Variants in ADAM2 observed in about 807,000 individuals in gnomAD.
ADAM2 encodes ADAM metallopeptidase domain 2.
A neutral mutation model predicts 99.3 loss-of-function variants in ADAM2; 101 were observed. The observed-to-expected ratio is 1.02, with a 90% confidence interval of 0.87 to 1.20. The LOEUF (loss-of-function observed/expected upper bound fraction) is 1.20. ADAM2 is among the 50% of genes most tolerant of loss of function. The pLI is 0.00. For synonymous variants in ADAM2, 323 were observed against 287.6 expected, an observed-to-expected ratio of 1.12 and a Z score of -1.25; for missense variants, 948 against 878.7, an observed-to-expected ratio of 1.08 and a Z score of -1.00.
intron 10 of ADAM2, among the ~76,000 whole-genome samples, chr8:39,785,803 A>T (rs1803442893): frequency 1.3e-5 from 2 of 151,994 alleles, no homozygotes; most frequent in Non-Finnish European, 2.9e-5. Context: ...AAATAAAAAA[A>T]AAAAAAAAAA....
At chr8:39,821,363 G>A (rs1024081053) in intron 5 of ADAM2, among the ~76,000 whole-genome samples, 193 bp from the exon 6 acceptor site, 6 of 152,098 alleles carry the variant, frequency 3.9e-5, no homozygotes, top group African/African-American at 1.4e-4. Flanking sequence ...GTTAGCATTT[G>A]CCTAGCTATT....
intron 7 of ADAM2, among the ~76,000 whole-genome samples, chr8:39,796,559 T>C (rs1563363867): frequency 6.6e-6 from 1 of 152,184 alleles, no homozygotes; most frequent in African/African-American, 2.4e-5. Flanking sequence ...ATATACCCAG[T>C]AATGGGATTG....
At chr8:39,789,473 A>G (rs1403614113) in intron 7 of ADAM2, among the ~76,000 whole-genome samples, 1 of 151,804 alleles carries the variant, frequency 6.6e-6, no homozygotes, top group Non-Finnish European at 1.5e-5. Context: ...AAAAATGAAA[A>G]TTATTCAGAA....
rs115528321 is a variant in ADAM2, at chr8:39,792,143, C to A, written c.571-3403G>T. Among the ~76,000 whole-genome samples the A allele has an allele frequency of 6.6e-3, 999 of 151,718 alleles. 7 individuals carry two copies. The highest frequency in any genetic ancestry group is 0.023 in the African/African-American group (944 of 41,386). ...GCACAATACAAGAATGGGATCTTTACATTCTAAAGTATCCAGTACTCTATC... is the reference window on the plus strand; with the variant it reads ...GCACAATACAAGAATGGGATCTTTAAATTCTAAAGTATCCAGTACTCTATC... On this transcript the variant is annotated intron_variant, in intron 7 of 20. Transcript: ENST00000265708.
Position 39,834,667 on chromosome 8 carries a change from G to A in ADAM2, c.133-668C>T, listed in dbSNP as rs533427762. The stretch of plus-strand genomic sequence containing the variant: ...GAGAATCACTTGAACCTTGGGAGGC[G>A]GAGGTTGCAGTGAGCCAAGATCACA... On this transcript the variant is annotated intron_variant, in intron 2 of 20. Coordinates refer to ENST00000265708, the MANE Select transcript of ADAM2 (RefSeq NM_001464.5). Among the ~76,000 whole-genome samples, 13 of 143,510 alleles carry A rather than the reference G, an allele frequency of 9.1e-5. No homozygotes were observed. The Admixed American group carries it at 9.3e-4, about 10-fold the overall frequency. The allele number at this position is 143,510 out of a possible 152,430, so 94.1% of individuals were successfully genotyped here.
chr8:39,833,835 C>A, intron 3 of ADAM2, 109 bp downstream of exon 3: 1 of 702,528 alleles, frequency 1.4e-6, no homozygotes, highest in Non-Finnish European at 2.5e-6. Context: ...GAATGAATGG[C>A]AAGAAGCTAG....
intron 7 of ADAM2, among the ~76,000 whole-genome samples, chr8:39,792,798 C>A (rs1455486914): frequency 6.6e-6 from 1 of 152,056 alleles, no homozygotes; most frequent in Non-Finnish European, 1.5e-5. Flanking sequence ...ATTAAAAGCA[C>A]TATTTTTAAA....
At chr8:39,814,866 GTGA>G in intron 6 of ADAM2, among the ~76,000 whole-genome samples, 1 of 150,824 alleles carries the variant, frequency 6.6e-6, no homozygotes, top group East Asian at 1.9e-4. Flanking sequence ...TATATTATAT[GTGA>G]TGATAACAAG....
At chr8:39,786,248 C>T (rs1388528828) in intron 10 of ADAM2, among the ~76,000 whole-genome samples, 2 of 152,202 alleles carry the variant, frequency 1.3e-5, no homozygotes, top group East Asian at 3.8e-4. Flanking sequence ...TAGCATCTCA[C>T]AATATACCCA....
chr8:39,778,532 A>G (rs1803090746), intron 10 of ADAM2, among the ~76,000 whole-genome samples: 1 of 152,096 alleles, frequency 6.6e-6, no homozygotes, highest in African/African-American at 2.4e-5. Flanking sequence ...GGTACCAATT[A>G]AAGTTCTTTA....
At chr8:39,766,419 T>C (rs1802568360) in intron 14 of ADAM2, among the ~76,000 whole-genome samples, 1 of 151,986 alleles carries the variant, frequency 6.6e-6, no homozygotes, top group African/African-American at 2.4e-5. Flanking sequence ...GCTACTGATA[T>C]TTTTTCTGAC....
chr8:39,806,532 T>A (rs1409481728), intron 7 of ADAM2, among the ~76,000 whole-genome samples: 2 of 148,328 alleles, frequency 1.3e-5, no homozygotes, highest in African/African-American at 4.9e-5. Flanking sequence ...ATATTATATA[T>A]AAATATATAT....
chr8:39,779,464 C>T (rs977065087), intron 10 of ADAM2, among the ~76,000 whole-genome samples: 1 of 151,900 alleles, frequency 6.6e-6, no homozygotes, highest in Non-Finnish European at 1.5e-5. Flanking sequence ...CATATGAATT[C>T]GGGGGGACAC....
intron 7 of ADAM2, among the ~76,000 whole-genome samples, chr8:39,807,025 C>A (rs1312824167): frequency 1.3e-5 from 2 of 152,168 alleles, no homozygotes; most frequent in Admixed American, 1.3e-4. Flanking sequence ...GGAGCCACTG[C>A]CTTAATTTCC....
intron 6 of ADAM2, among the ~76,000 whole-genome samples, chr8:39,809,757 T>C (rs1429236253): frequency 1.3e-5 from 2 of 152,122 alleles, no homozygotes; most frequent in East Asian, 1.9e-4. Context: ...TTACCAGGCC[T>C]GCCTTACAAG....
In ADAM2 at chr8:39,772,344, T is replaced by C. The variant is rs1802817934; in HGVS notation, c.1029-2769A>G. ...GTGAACATATATAGAAGTCAAATAA[T>C]TGACCTAAGATGAGCCATAAGTTCA... is the stretch of plus-strand genomic sequence containing the variant. On this transcript the variant is annotated intron_variant, in intron 11 of 20. Coordinates refer to ENST00000265708, the MANE Select transcript of ADAM2 (RefSeq NM_001464.5). 3.3e-5 allele frequency among the ~76,000 whole-genome samples: 5 copies of C among 152,038 alleles called. No individual in the cohort carries two copies. In the South Asian group the frequency reaches 1.0e-3, roughly 31 times the overall value.
chr8:39,779,049 G>C (rs1386378038), intron 10 of ADAM2, among the ~76,000 whole-genome samples: 1 of 151,294 alleles, frequency 6.6e-6, no homozygotes, highest in East Asian at 1.9e-4. Context: ...TGCCTTCCCT[G>C]TATTCTTACT....
At chr8:39,769,027 T>C (rs1802674842) in intron 12 of ADAM2, among the ~76,000 whole-genome samples, 1 of 152,160 alleles carries the variant, frequency 6.6e-6, no homozygotes, top group South Asian at 2.1e-4. Context: ...TATGGTGAGA[T>C]TACAGGTATG....
At chr8:39,777,669 A>G (rs1465694917) in intron 10 of ADAM2, among the ~76,000 whole-genome samples, 1 of 152,002 alleles carries the variant, frequency 6.6e-6, no homozygotes. Context: ...ATGTTGAAAT[A>G]TGTGAGTGGA....
Sources: gnomAD v4.1 joint callset for allele counts (sites outside exome capture counted in the v4.1 genomes callset) on GRCh38, gnomAD v4.1.1 for gene constraint, MANE v1.5 for transcripts, NCBI Gene and HGNC (gene_info 2026-07-23, HGNC 2026-07-21) for gene names.